Variants in CRYBG3 observed in about 807,000 individuals in gnomAD.
CRYBG3 encodes very large A-kinase anchor protein.
In CRYBG3, 127 loss-of-function variants were observed where a neutral mutation model predicts 244.2. The ratio of observed to expected loss-of-function variants is 0.52; its 90% CI spans 0.45 to 0.60. The LOEUF is 0.60. CRYBG3 is among the 20% of genes least tolerant of loss of function. The probability of loss-of-function intolerance (pLI) is 0.00; values close to 1 mark genes in which losing one functional copy is unlikely to be tolerated. For missense variants in CRYBG3, 3,325 were observed against 3,442.5 expected, an observed-to-expected ratio of 0.97 and a Z score of 0.85; for synonymous variants, 1,132 against 1,195.8, an observed-to-expected ratio of 0.95 and a Z score of 1.10.
At chr3:97,826,349 C>T (rs1031267171) in intron 1 of CRYBG3, among the ~76,000 whole-genome samples, 1 of 152,124 alleles carries the variant, frequency 6.6e-6, no homozygotes, top group Non-Finnish European at 1.5e-5. Flanking sequence ...ACAAATTGAC[C>T]TGCAGTAAGT....
intron 1 of CRYBG3, among the ~76,000 whole-genome samples, chr3:97,829,274 A>G (rs1449520864): frequency 1.3e-5 from 2 of 152,214 alleles, no homozygotes; most frequent in African/African-American, 4.8e-5. Flanking sequence ...GAGTAATTTG[A>G]TATTTTGACA....
intron 1 of CRYBG3, among the ~76,000 whole-genome samples, chr3:97,834,195 A>T (rs1438706431): frequency 6.6e-6 from 1 of 152,168 alleles, no homozygotes; most frequent in Non-Finnish European, 1.5e-5. Flanking sequence ...GATATGCTTT[A>T]TAAGTGCTGA....
rs1411082866 is a variant in CRYBG3, at chr3:97,876,013, G to A, written c.4819G>A (p.Glu1607Lys). ...VYQMDAESCIEKTEGSAVILG... is the reference protein window; with the variant it reads ...VYQMDAESCIKKTEGSAVILG... Reference sequence around the variant, plus strand: ...CCAAATGGATGCCGAGAGCTGTATTGAAAAAACTGAGGGATCAGCTGTCAT... The same window carrying A: ...CCAAATGGATGCCGAGAGCTGTATTAAAAAAACTGAGGGATCAGCTGTCAT... Residue 1607 changes from glutamate to lysine, a missense_variant, in exon 4 of 22, where the codon GAA (glutamate) becomes AAA (lysine). Physicochemically the swap from Glu to Lys is moderately conservative, Grantham distance 56. Coordinates refer to ENST00000389622, the MANE Select transcript of CRYBG3 (RefSeq NM_153605.4). 3 of 1,232,038 alleles carry A rather than the reference G, an allele frequency of 2.4e-6. No homozygotes were observed. The highest frequency in any genetic ancestry group is 3.0e-6 in the Non-Finnish European group (3 of 987,946). The allele number at this position is 1,232,038 out of a possible 1,614,324, so 76.3% of individuals were successfully genotyped here. A position where few individuals can be genotyped will look rare whatever the true frequency, so the allele number is the denominator to read the frequency against.
At chr3:97,852,206 G>T (rs1490889291) in intron 2 of CRYBG3, among the ~76,000 whole-genome samples, 1 of 152,144 alleles carries the variant, frequency 6.6e-6, no homozygotes, top group African/African-American at 2.4e-5. Flanking sequence ...CTGGAAATTG[G>T]AGAAGCATGT....
In CRYBG3 at chr3:97,933,838, G is replaced by A. The variant is rs1209767653; in HGVS notation, c.8381+5G>A. On this transcript the variant is annotated splice_donor_5th_base_variant and intron_variant, in intron 18 of 21. Coordinates refer to ENST00000389622, the MANE Select transcript of CRYBG3 (RefSeq NM_153605.4). ...TGTGTGGGTAAAAAGTGGACTGTAAGTATGGGAAAAAGGCTTGGTCTGGTT... is the reference window on the plus strand; with the variant it reads ...TGTGTGGGTAAAAAGTGGACTGTAAATATGGGAAAAAGGCTTGGTCTGGTT... 2 of 1,610,392 alleles carry A rather than the reference G, an allele frequency of 1.2e-6. No homozygotes were observed. The highest frequency in any genetic ancestry group is 1.7e-6 in the Non-Finnish European group (2 of 1,178,000).
Position 97,936,804 on chromosome 3 carries a change from T to G in CRYBG3, c.8401T>G (p.Ser2801Ala). ...KSGLWIAYEG[S>A]NFLGRQILLR... ...TCATAGATGGATAGCTTATGAAGGA[T>G]CCAATTTCTTGGGAAGACAAATCCT... is the stretch of plus-strand genomic sequence containing the variant. The change falls in exon 19 of 22, where the codon TCC becomes GCC. Residue 2801 changes from serine to alanine, a missense_variant. Physicochemically the swap from Ser to Ala is moderately conservative, Grantham distance 99 (BLOSUM62 1). Around this residue, in one of 4 missense-constraint regions of CRYBG3, gnomAD observed 714 missense variants for 803.6 expected, o/e 0.89. Coordinates refer to ENST00000389622, the MANE Select transcript of CRYBG3 (RefSeq NM_153605.4). 5 of 1,612,974 alleles carry G rather than the reference T, an allele frequency of 3.1e-6. No homozygotes were observed. Among genetic ancestry groups the G allele is most frequent in the Non-Finnish European group, 2.5e-6 (3 of 1,179,356 alleles).
intron 15 of CRYBG3, among the ~76,000 whole-genome samples, chr3:97,902,577 A>G (rs1174832139): frequency 6.6e-6 from 1 of 151,124 alleles, no homozygotes; most frequent in African/African-American, 2.4e-5. Context: ...TGCTGGACCT[A>G]TTGACCAGTC....
rs757417397 is a variant in CRYBG3, at chr3:97,877,834, C to G, written c.6640C>G (p.Pro2214Ala). The G allele has an allele frequency of 1.5e-5, 24 of 1,613,836 alleles. No individual in the cohort carries two copies. The highest frequency in any genetic ancestry group is 1.6e-4 in the Middle Eastern group (1 of 6,084). The change falls in exon 4 of 22, where the codon CCA (proline) becomes GCA (alanine). Residue 2214 changes from proline (P) to alanine (A), a missense_variant. By Grantham distance (27) the Pro-to-Ala change is conservative. Around this residue, in one of 4 missense-constraint regions of CRYBG3, gnomAD observed 450 missense variants for 424.1 expected, o/e 1.06. Transcript: ENST00000389622. ...CTCCAATCTGCAAGTTGGTCTGTGG[C>G]CAGAAAAGACCTCGTTTCTCCAGAA... ...TTSNLQVGLWPEKTSFLQKSD... is the reference protein window; with the variant it reads ...TTSNLQVGLWAEKTSFLQKSD...
chr3:97,886,479 A>T, intron 7 of CRYBG3, 152 bp from the exon 8 acceptor site: 1 of 518,600 alleles, frequency 1.9e-6, no homozygotes, highest in Non-Finnish European at 3.2e-6. Context: ...AAAAAAAAAA[A>T]GGGTGAGGAG....
At chr3:97,917,856 G>A (rs2039944460) in intron 17 of CRYBG3, among the ~76,000 whole-genome samples, 2 of 152,070 alleles carry the variant, frequency 1.3e-5, no homozygotes, top group African/African-American at 4.8e-5. Flanking sequence ...TACTCTCTAG[G>A]TCCCAGTTGC....
chr3:97,943,056 A>G (rs1275359872), intron 21 of CRYBG3, 170 bp from the exon 22 acceptor site: 2 of 576,066 alleles, frequency 3.5e-6, no homozygotes, highest in Non-Finnish European at 6.1e-6. Flanking sequence ...GTCCAATTTG[A>G]GGTGAATAAT....
At chr3:97,939,315 TTA>T (rs1164037749) in intron 19 of CRYBG3, among the ~76,000 whole-genome samples, 1 of 152,078 alleles carries the variant, frequency 6.6e-6, no homozygotes, top group African/African-American at 2.4e-5. Flanking sequence ...TTTTGTTTAT[TTA>T]GGTCACAGTT....
At chr3:97,826,623 C>A (rs1321297493) in intron 1 of CRYBG3, among the ~76,000 whole-genome samples, 3 of 152,128 alleles carry the variant, frequency 2.0e-5, no homozygotes, top group Non-Finnish European at 4.4e-5. Flanking sequence ...ATAATCTAGG[C>A]TATATGCTGA....
Position 97,915,676 on chromosome 3 carries a change from T to C in CRYBG3, c.8181T>C (p.Ala2727=). The C allele has an allele frequency of 6.2e-7, 1 of 1,613,234 alleles. No homozygotes were observed. Among genetic ancestry groups the C allele is most frequent in the Non-Finnish European group, 8.5e-7 (1 of 1,179,294 alleles). Residue 2727 remains alanine (A), a synonymous_variant, in exon 17 of 22, where the codon GCT becomes GCC. Coordinates refer to ENST00000389622, the MANE Select transcript of CRYBG3 (RefSeq NM_153605.4). ...NHCVLEEGLY[A]DLTSCGCPAS... is the part of the protein sequence containing the mutation. ...GTGTGTTAGAAGAAGGCCTCTATGC[T>C]GACCTTACTTCCTGCGGTTGCCCAG...
chr3:97,897,131 T>C (rs771908006), intron 12 of CRYBG3, among the ~76,000 whole-genome samples: 37 of 152,208 alleles, frequency 2.4e-4, no homozygotes, highest in Non-Finnish European at 3.7e-4. Context: ...TATTTGCTTT[T>C]GTTGCGATTT....
Position 97,874,031 on chromosome 3 carries a change from C to G in CRYBG3, c.2837C>G (p.Pro946Arg), listed in dbSNP as rs1369643299. Residue 946 changes from proline to arginine, a missense_variant, in exon 4 of 22, where the codon CCT (proline) becomes CGT (arginine). Physicochemically the swap from Pro to Arg is moderately radical, Grantham distance 103. Coordinates refer to ENST00000389622, the MANE Select transcript of CRYBG3 (RefSeq NM_153605.4). ...LKSNISWILPPIHDEKISRQM... is the reference protein window; with the variant it reads ...LKSNISWILPRIHDEKISRQM... Reference sequence around the variant, plus strand: ...AGTAATATATCTTGGATTTTACCACCTATTCATGATGAAAAAATCAGTAGG... The same window carrying G: ...AGTAATATATCTTGGATTTTACCACGTATTCATGATGAAAAAATCAGTAGG... 1 of 1,535,622 alleles carries G rather than the reference C, an allele frequency of 6.5e-7. No homozygotes were observed. The highest frequency in any genetic ancestry group is 1.4e-5 in the African/African-American group (1 of 73,012).
intron 19 of CRYBG3, among the ~76,000 whole-genome samples, chr3:97,937,769 C>A (rs1329278289): frequency 6.6e-6 from 1 of 151,934 alleles, no homozygotes; most frequent in African/African-American, 2.4e-5. Flanking sequence ...ATTGTAGGAG[C>A]TGAGGAACTA....
chr3:97,937,048 C>T, intron 19 of CRYBG3, 140 bp downstream of exon 19: 2 of 901,652 alleles, frequency 2.2e-6, no homozygotes, highest in South Asian at 3.9e-5. Flanking sequence ...ATGCGGATAT[C>T]TTGTACATTT....
At chr3:97,834,718 A>C (rs183901328) in intron 1 of CRYBG3, among the ~76,000 whole-genome samples, 118 of 152,238 alleles carry the variant, frequency 7.8e-4, no homozygotes, top group Non-Finnish European at 7.4e-5. Flanking sequence ...GCAAATAAAA[A>C]ATTTTTGGCA....
Sources: allele counts gnomAD v4.1 joint callset (sites outside exome capture counted in the v4.1 genomes callset), GRCh38; gene constraint gnomAD v4.1.1; regional missense constraint gnomAD v4.1.1; transcripts MANE v1.5; gene names NCBI Gene and HGNC (gene_info 2026-07-23, HGNC 2026-07-21).